SEC24C: variants seen among roughly 807,000 people sequenced by gnomAD.
The protein encoded by SEC24C is SEC24 homolog C, COPII component.
Under a neutral mutation model 117.0 loss-of-function variants are expected in SEC24C, and 22 were observed. That is an observed-to-expected ratio of 0.19 (90% confidence interval 0.13 to 0.27). The LOEUF (loss-of-function observed/expected upper bound fraction) is 0.27, where lower values mean the gene tolerates loss of function less well. Among genes scored for constraint, SEC24C ranks in the 10% least tolerant of loss-of-function variants. The probability of loss-of-function intolerance (pLI) is 1.00; values close to 1 mark genes in which losing one functional copy is unlikely to be tolerated. For missense variants in SEC24C, 1,155 were observed against 1,375.1 expected (o/e 0.84, Z 2.53); for synonymous variants, 506 against 529.4 (o/e 0.96, Z 0.61).
At chr10:73,759,850 CTG>C (rs920591493) in intron 4 of SEC24C, 56 bp downstream of exon 4, 1 of 1,501,338 alleles carries the variant, frequency 6.7e-7, no homozygotes, top group Non-Finnish European at 8.9e-7. Flanking sequence ...GCATCAGACT[CTG>C]GGGTTATACC....
chr10:73,766,094 G>A lies in SEC24C; in HGVS notation c.1491G>A (p.Lys497=), dbSNP rs550791385. ...ATTTTCTTCCTCTGCAGAACAATAA[G>A]TTCCCCAGCCCTCCTGCCTTTATCT... is the stretch of plus-strand genomic sequence containing the variant. The part of the protein sequence containing the change: ...LATVDYCKNN[K]FPSPPAFIFM... Residue 497 remains lysine, a synonymous_variant, in exon 11 of 23, where the codon AAG becomes AAA. Coordinates refer to ENST00000345254, the MANE Select transcript of SEC24C (RefSeq NM_198597.3). 9.3e-6 allele frequency: 15 copies of A among 1,612,724 alleles called. No homozygotes were observed. Among genetic ancestry groups the A allele is most frequent in the African/African-American group, 1.3e-5 (1 of 74,966 alleles).
At chr10:73,759,579 G>C in intron 3 of SEC24C, 43 bp from the exon 4 acceptor site, 1 of 1,454,396 alleles carries the variant, frequency 6.9e-7, no homozygotes, top group Non-Finnish European at 9.1e-7. Flanking sequence ...TTCAAAGGGT[G>C]TCCTGGCCCC....
In SEC24C at chr10:73,757,517, T is replaced by TA. The variant is rs755487856; in HGVS notation, c.309-2090dup. Among the ~76,000 whole-genome samples the TA allele has an allele frequency of 2.3e-3, 255 of 111,696 alleles. 5 individuals are homozygous for TA. The highest frequency in any genetic ancestry group is 4.5e-3 in the African/African-American group (136 of 29,958). 73.3% of individuals were successfully genotyped at this position (111,696 alleles called of 152,430 possible). A position where few individuals can be genotyped will look rare whatever the true frequency, so the allele number is the denominator to read the frequency against. ...CAGAGTGAGACCCTGTCTCAAAAACTAAAAAAAAAAAAAAATCAATCTAGG... is the reference window on the plus strand; with the variant it reads ...CAGAGTGAGACCCTGTCTCAAAAACTAAAAAAAAAAAAAAAATCAATCTAGG... On this transcript the variant is annotated intron_variant, in intron 3 of 22. Coordinates refer to ENST00000345254, the MANE Select transcript of SEC24C (RefSeq NM_198597.3).
At position 73,763,938 on chromosome 10, in the gene SEC24C, C is replaced by A; in HGVS notation, c.1182C>A (p.Pro394=). The A allele has an allele frequency of 6.2e-7, 1 of 1,609,474 alleles. No homozygotes were observed. The highest frequency in any genetic ancestry group is 8.5e-7 in the Non-Finnish European group (1 of 1,177,538). Residue 394 remains proline, a synonymous_variant, in exon 8 of 23, where the codon CCC becomes CCA. Coordinates refer to ENST00000345254, the MANE Select transcript of SEC24C (RefSeq NM_198597.3). ...TSDMAKQAQV[P]LAAVIKPLAR... ...ACATGGCTAAGCAGGCTCAGGTGCC[C>A]CTGGCAGCAGTCATCAAACCGCTGG...
chr10:73,746,538 C>G (rs1198257510), intron 1 of SEC24C: 1 of 252,782 alleles, frequency 4.0e-6, no homozygotes, highest in Non-Finnish European at 7.5e-6. Flanking sequence ...GGCTGCTGCT[C>G]CATTTCAGTG....
Position 73,766,869 on chromosome 10 carries a change from C to A in SEC24C, c.1893+16C>A. 1.2e-6 allele frequency: 2 copies of A among 1,604,122 alleles called. No homozygotes were observed. The highest frequency in any genetic ancestry group is 1.7e-6 in the Non-Finnish European group (2 of 1,170,920). On this transcript the variant is annotated intron_variant, in intron 13 of 22. Transcript: ENST00000345254. ...GGCTCTGAAGGTAAGGCTGGAGTAT[C>A]GGGCAACCTCCTCTAACTCCATTTT... is the stretch of plus-strand genomic sequence containing the variant.
At chr10:73,760,668 T>C (rs190441136) in intron 5 of SEC24C, 45 bp from the exon 6 acceptor site, 5 of 1,531,490 alleles carry the variant, frequency 3.3e-6, no homozygotes, top group Admixed American at 2.2e-5. Flanking sequence ...TAAGAAGAGA[T>C]AGGGATGGGA....
chr10:73,767,227 ACT>A, intron 14 of SEC24C, 57 bp downstream of exon 14: 1 of 1,166,110 alleles, frequency 8.6e-7, no homozygotes, highest in African/African-American at 1.5e-5. Flanking sequence ...GGAAGTGGGG[ACT>A]CTACTTTCTT....
intron 3 of SEC24C, 88 bp from the exon 4 acceptor site, chr10:73,759,534 T>C: frequency 2.9e-6 from 3 of 1,017,816 alleles, no homozygotes; most frequent in South Asian, 5.8e-5. Flanking sequence ...CACAAAACAA[T>C]GTAGCTTCCT....
chr10:73,764,913 C>G (rs1435714961), intron 8 of SEC24C, among the ~76,000 whole-genome samples: 1 of 152,208 alleles, frequency 6.6e-6, no homozygotes, highest in East Asian at 1.9e-4. Context: ...CCGTCTTTCT[C>G]TGTGTGTTTG....
Position 73,771,310 on chromosome 10 carries a change from C to T in SEC24C, c.*215C>T. On this transcript the variant is annotated 3_prime_UTR_variant, in exon 23 of 23. Transcript: ENST00000345254. ...AGGTGCCCCTGTTCCCTCATTCTAC[C>T]CTCTTTTTCCTGCTAATCCTGTCAT... is the stretch of plus-strand genomic sequence containing the variant. 1.8e-6 allele frequency: 1 copy of T among 569,144 alleles called. No individual in the cohort carries two copies. Among genetic ancestry groups the T allele is most frequent in the Non-Finnish European group, 3.1e-6 (1 of 323,016 alleles). The allele number at this position is 569,144 out of a possible 1,614,324, so 35.3% of individuals were successfully genotyped here.
At position 73,769,980 on chromosome 10, in the gene SEC24C, A is replaced by T. The variant is rs544559326; in HGVS notation, c.2827A>T (p.Thr943Ser). The change falls in exon 20 of 23, where the codon ACC becomes TCC. Residue 943 changes from threonine (T) to serine (S), a missense_variant. Coordinates refer to ENST00000345254, the MANE Select transcript of SEC24C (RefSeq NM_198597.3). This position sits in a 1 kb window ranked among gnomAD's most constrained non-coding sequence, Gnocchi z 4.5. ...AGTTACCTCCATGGATGTGACTGAG[A>T]CCAATGTCTTCTTCTACCCTCGGCT... ...QLVTSMDVTE[T>S]NVFFYPRLLP... 9 of 1,614,132 alleles carry T rather than the reference A, an allele frequency of 5.6e-6. No homozygotes were observed. In the South Asian group the frequency reaches 9.9e-5, roughly 18 times the overall value.
chr10:73,760,305 G>C lies in SEC24C; in HGVS notation c.769G>C (p.Gly257Arg). 6.2e-7 allele frequency: 1 copy of C among 1,613,362 alleles called. No individual in the cohort carries two copies. Among genetic ancestry groups the C allele is most frequent in the Non-Finnish European group, 8.5e-7 (1 of 1,179,994 alleles). ...VSSPPQALPPGTQMTGPLGPL... is the reference protein window; with the variant it reads ...VSSPPQALPPRTQMTGPLGPL... ...TTCACCTCCTCAAGCTCTGCCCCCT[G>C]GCACCCAGATGACTGGGCCCCTGGG... is the stretch of plus-strand genomic sequence containing the variant. The change falls in exon 5 of 23, where the codon GGC becomes CGC. Residue 257 changes from glycine to arginine, a missense_variant. This residue lies in a region of SEC24C where 396 missense variants were observed against 382.8 expected (regional missense o/e 1.03). Transcript: ENST00000345254.
intron 1 of SEC24C, among the ~76,000 whole-genome samples, chr10:73,745,909 C>G (rs992967833): frequency 6.6e-6 from 1 of 151,844 alleles, no homozygotes; most frequent in African/African-American, 2.4e-5. Flanking sequence ...CACCTGTGAT[C>G]CCAGCACTTT....
At chr10:73,763,666 GCTTTTTTTTTTTTTTTTTTT>G (rs2082831888) in intron 7 of SEC24C, 65 bp downstream of exon 7, 10 of 212,914 alleles carry the variant, frequency 4.7e-5, no homozygotes, top group Non-Finnish European at 8.4e-6. Context: ...TATGGTTGGG[GCTTTTTTTTTTTTTTTTTTT>G]TTTTTTTTTT....
At chr10:73,763,812 A>AAG (rs1283600050) in intron 7 of SEC24C, 44 bp from the exon 8 acceptor site, 1 of 1,598,464 alleles carries the variant, frequency 6.3e-7, no homozygotes, top group East Asian at 2.2e-5. Context: ...TGGTGTCTGG[A>AAG]AGGATTCTGT....
chr10:73,748,380 C>T (rs949900970), intron 2 of SEC24C, among the ~76,000 whole-genome samples: 12 of 151,560 alleles, frequency 7.9e-5, no homozygotes, highest in African/African-American at 2.9e-4. Context: ...AATGATTCAC[C>T]CATCTCGGCT....
At chr10:73,762,880 A>G (rs1020124874) in intron 6 of SEC24C, among the ~76,000 whole-genome samples, 30 of 152,100 alleles carry the variant, frequency 2.0e-4, no homozygotes, top group Non-Finnish European at 7.4e-5. Context: ...AGCTATAAGG[A>G]TTGGGTACTT....
At chr10:73,764,124 C>T in intron 8 of SEC24C, 141 bp downstream of exon 8, 1 of 1,154,714 alleles carries the variant, frequency 8.7e-7, no homozygotes, top group African/African-American at 1.6e-5. Context: ...TAGTGGCTTT[C>T]TATCCCAGGG....
Sources: gnomAD v4.1 joint callset for allele counts (sites outside exome capture counted in the v4.1 genomes callset) on GRCh38, gnomAD v4.1.1 for gene constraint, gnomAD v4.1.1 regional missense constraint, Gnocchi (gnomAD v3.1) non-coding constraint, MANE v1.5 for transcripts, NCBI Gene and HGNC (gene_info 2026-07-23, HGNC 2026-07-21) for gene names.